The following ENTREP1 variants were observed in gnomAD, a reference collection of about 807,000 sequenced individuals.
ENTREP1 encodes Friedreich ataxia region gene X123.
the ENTREP1 span, among the ~76,000 whole-genome samples, chr9:69,347,108 G>A: frequency 6.6e-6 from 1 of 152,196 alleles, no homozygotes; most frequent in Non-Finnish European, 1.5e-5. Context: ...AGCACAACAT[G>A]AATATACTTC....
At chr9:69,388,805 A>AT in the ENTREP1 span, among the ~76,000 whole-genome samples, 4 of 152,170 alleles carry the variant, frequency 2.6e-5, no homozygotes, top group Admixed American at 2.6e-4. Flanking sequence ...TTGATAGGGC[A>AT]TGTTTTCTCA....
chr9:69,392,037 C>T, the ENTREP1 span: 1 of 567,856 alleles, frequency 1.8e-6, no homozygotes, highest in East Asian at 2.9e-5. Flanking sequence ...AGCTTTGATC[C>T]TCTTCTTCCT....
the ENTREP1 span, among the ~76,000 whole-genome samples, chr9:69,367,750 T>A: frequency 1.3e-4 from 16 of 124,502 alleles, no homozygotes; most frequent in East Asian, 2.9e-3. Flanking sequence ...TACACATATA[T>A]AAATATATAT....
chr9:69,375,180 C>T, the ENTREP1 span, among the ~76,000 whole-genome samples: 1 of 152,280 alleles, frequency 6.6e-6, no homozygotes, highest in East Asian at 1.9e-4. Context: ...TGTGTGCAGC[C>T]CACATAGGCC....
At chr9:69,340,598 CAT>C in the ENTREP1 span, among the ~76,000 whole-genome samples, 146 of 142,320 alleles carry the variant, frequency 1.0e-3, no homozygotes, top group African/African-American at 3.6e-3. Flanking sequence ...TGTGTGCATG[CAT>C]GTGTGTGTGT....
the ENTREP1 span, among the ~76,000 whole-genome samples, chr9:69,349,748 A>G: frequency 4.6e-5 from 7 of 152,222 alleles, no homozygotes; most frequent in African/African-American, 7.2e-5. Context: ...AGCTTAGTCA[A>G]GCTTACTTTA....
chr9:69,339,656 C>A, the ENTREP1 span, among the ~76,000 whole-genome samples: 2 of 152,188 alleles, frequency 1.3e-5, no homozygotes, highest in Non-Finnish European at 2.9e-5. Flanking sequence ...CCAGAGGACC[C>A]CATGGGTCTG....
the ENTREP1 span, chr9:69,387,045 T>G: frequency 1.3e-5 from 2 of 152,252 alleles, no homozygotes; most frequent in African/African-American, 4.8e-5. Context: ...CCCCTTCTCA[T>G]TCTGCAGACC....
the ENTREP1 span, among the ~76,000 whole-genome samples, chr9:69,367,772 T>A: frequency 8.9e-6 from 1 of 112,478 alleles, no homozygotes; most frequent in Admixed American, 1.0e-4. Flanking sequence ...TACACATATA[T>A]ATAAATATAT....
the ENTREP1 span, among the ~76,000 whole-genome samples, chr9:69,354,963 G>A: frequency 2.6e-5 from 4 of 152,102 alleles, no homozygotes; most frequent in Admixed American, 6.5e-5. Flanking sequence ...CCTTGGAAAA[G>A]GGGGTCCTTA....
chr9:69,330,836 CAGGGTGTAGCT>C, the ENTREP1 span, among the ~76,000 whole-genome samples: 1 of 152,100 alleles, frequency 6.6e-6, no homozygotes, highest in Non-Finnish European at 1.5e-5. Context: ...CTGATTTTGT[CAGGGTGTAGCT>C]AGAGTATACA....
the ENTREP1 span, among the ~76,000 whole-genome samples, chr9:69,333,760 T>C: frequency 6.6e-6 from 1 of 152,172 alleles, no homozygotes; most frequent in Non-Finnish European, 1.5e-5. Context: ...TTAAGGGCAG[T>C]TGAATATGAA....
the ENTREP1 span, among the ~76,000 whole-genome samples, chr9:69,348,246 G>T: frequency 6.6e-6 from 1 of 152,178 alleles, no homozygotes; most frequent in African/African-American, 2.4e-5. Flanking sequence ...CCAAGGAGTT[G>T]GGACTATAGG....
At chr9:69,339,994 C>T in the ENTREP1 span, among the ~76,000 whole-genome samples, 1 of 152,158 alleles carries the variant, frequency 6.6e-6, no homozygotes, top group East Asian at 1.9e-4. Flanking sequence ...AAGAGTCTTG[C>T]CTTTTTCACT....
chr9:69,379,870 T>C, the ENTREP1 span: 1 of 152,426 alleles, frequency 6.6e-6, no homozygotes, highest in East Asian at 1.9e-4. Flanking sequence ...CCGACCTTCC[T>C]GTCTCCTCGC....
At chr9:69,348,702 G>A in the ENTREP1 span, among the ~76,000 whole-genome samples, 4 of 152,150 alleles carry the variant, frequency 2.6e-5, no homozygotes, top group Admixed American at 2.6e-4. Flanking sequence ...CATACAGTAT[G>A]TGATCCTTTG....
chr9:69,339,799 C>T, the ENTREP1 span, among the ~76,000 whole-genome samples: 1 of 152,202 alleles, frequency 6.6e-6, no homozygotes, highest in Non-Finnish European at 1.5e-5. Context: ...GCCGCCTCTT[C>T]TTCTGGCTCT....
chr9:69,326,430 G>C, the ENTREP1 span, among the ~76,000 whole-genome samples: 13 of 152,266 alleles, frequency 8.5e-5, no homozygotes, highest in African/African-American at 2.9e-4. Flanking sequence ...AAAAGTCCTG[G>C]AGTGCCCAGC....
chr9:69,375,828 G>T, the ENTREP1 span: 1 of 1,614,014 alleles, frequency 6.2e-7, no homozygotes, highest in Middle Eastern at 1.7e-4. Context: ...AACTCTTTCC[G>T]GTTCAGCCCT....
Sources: gnomAD v4.1 joint callset for allele counts (sites outside exome capture counted in the v4.1 genomes callset) on GRCh38, gnomAD v4.1.1 for gene constraint, MANE v1.5 for transcripts, NCBI Gene and HGNC (gene_info 2026-07-23, HGNC 2026-07-21) for gene names.